SGMS2: variants seen among roughly 807,000 people sequenced by gnomAD.
SGMS2 encodes the protein sphingomyelin synthase 2.
SGMS2 carries 21 observed loss-of-function variants against 43.8 expected under a neutral mutation model. The observed-to-expected ratio is 0.48, with a 90% CI of 0.34 to 0.69. The LOEUF is 0.69. Among genes scored for constraint, SGMS2 ranks in the 30% least tolerant of loss-of-function variants. The probability of loss-of-function intolerance (pLI) is 0.01; values close to 1 mark genes in which losing one functional copy is unlikely to be tolerated. For missense variants in SGMS2, 384 were observed against 443.2 expected (o/e 0.87, Z 1.20); for synonymous variants, 167 against 160.6 (o/e 1.04, Z -0.30).
intron 1 of SGMS2, among the ~76,000 whole-genome samples, chr4:107,829,458 A>G (rs1725767790): frequency 6.6e-6 from 1 of 152,210 alleles, no homozygotes; most frequent in Non-Finnish European, 1.5e-5. Context: ...AGTTCACTTT[A>G]TTAATTTCTA....
At chr4:107,879,464 C>A (rs1729177667) in intron 2 of SGMS2, among the ~76,000 whole-genome samples, 2 of 121,058 alleles carry the variant, frequency 1.7e-5, no homozygotes, top group Admixed American at 8.3e-5. Flanking sequence ...TCTTGATGGG[C>A]TATTTTTTTT....
intron 5 of SGMS2, among the ~76,000 whole-genome samples, chr4:107,906,755 A>G (rs945893181): frequency 2.0e-5 from 3 of 152,248 alleles, no homozygotes; most frequent in Non-Finnish European, 4.4e-5. Context: ...AGCCGTTCCT[A>G]AAACCTCACT....
At position 107,874,188 on chromosome 4, in the gene SGMS2, C is replaced by A. The variant is rs531658880; in HGVS notation, c.-245+15635C>A. 4 of 152,158 alleles carry A rather than the reference C, an allele frequency of 2.6e-5. No individual in the cohort carries two copies. The South Asian group carries it at 8.3e-4, about 32-fold the overall frequency. 9.4% of individuals were successfully genotyped at this position (152,158 alleles called of 1,614,324 possible). ...GGATCACAGCATAATTAATGGTGTA[C>A]AAATAGACACTCCACAATCATTATT... On this transcript the variant is annotated intron_variant, in intron 2 of 6. Coordinates refer to ENST00000690982, the MANE Select transcript of SGMS2 (RefSeq NM_001375905.1).
rs1029963519 is a variant in SGMS2 at position 107,908,643 on chromosome 4, C to G, written c.806C>G (p.Ala269Gly). 1.2e-6 allele frequency: 2 copies of G among 1,613,742 alleles called. No homozygotes were observed. Among genetic ancestry groups the G allele is most frequent in the African/African-American group, 2.7e-5 (2 of 74,910 alleles). ...GCCGGGATCATCTGCATTCTTGTAG[C>G]ACACGAACACTACACTATCGATGTG... ...SAAGIICILV[A>G]HEHYTIDVII... The change falls in exon 6 of 7, where the codon GCA (alanine) becomes GGA (glycine). Residue 269 changes from alanine (A) to glycine (G), a missense_variant. Ala to Gly is a moderately conservative substitution (Grantham distance 60, BLOSUM62 0). Coordinates refer to ENST00000690982, the MANE Select transcript of SGMS2 (RefSeq NM_001375905.1).
chr4:107,905,799 TTCATC>T (rs780027279), intron 5 of SGMS2, among the ~76,000 whole-genome samples: 6 of 152,226 alleles, frequency 3.9e-5, no homozygotes, highest in Non-Finnish European at 8.8e-5. Context: ...TGTACATTCT[TTCATC>T]TCAGAGCAAC....
At chr4:107,881,717 T>C (rs1235097045) in intron 2 of SGMS2, among the ~76,000 whole-genome samples, 1 of 152,310 alleles carries the variant, frequency 6.6e-6, no homozygotes, top group Middle Eastern at 3.4e-3. Context: ...TATCTAACTA[T>C]ATTTTTTTAC....
At chr4:107,891,825 A>G (rs548913287) in intron 2 of SGMS2, among the ~76,000 whole-genome samples, 14 of 152,118 alleles carry the variant, frequency 9.2e-5, no homozygotes, top group Admixed American at 3.9e-4. Context: ...GGCCCACACC[A>G]TGTTGCCTGT....
At chr4:107,842,368 A>AAG in intron 1 of SGMS2, among the ~76,000 whole-genome samples, 1 of 152,282 alleles carries the variant, frequency 6.6e-6, no homozygotes, top group East Asian at 1.9e-4. Context: ...GAGCGGGAGC[A>AAG]AGAGAGAGAG....
At chr4:107,831,864 CCA>C (rs1725908734) in intron 1 of SGMS2, among the ~76,000 whole-genome samples, 1 of 152,174 alleles carries the variant, frequency 6.6e-6, no homozygotes. Flanking sequence ...GCTTTTCAAG[CCA>C]CAGTCACAAT....
intron 2 of SGMS2, among the ~76,000 whole-genome samples, chr4:107,860,259 T>C (rs1217805500): frequency 1.3e-5 from 2 of 152,168 alleles, no homozygotes; most frequent in African/African-American, 2.4e-5. Flanking sequence ...ACTAAGACAC[T>C]TTCCTCATTC....
At chr4:107,828,788 T>A (rs1725734143) in intron 1 of SGMS2, among the ~76,000 whole-genome samples, 1 of 152,252 alleles carries the variant, frequency 6.6e-6, no homozygotes, top group African/African-American at 2.4e-5. Flanking sequence ...GAGTCTTAAT[T>A]TCTGCGTTCC....
At chr4:107,849,635 GTGACTTTTTAAAGATCACAAT>G (rs33911119) in intron 1 of SGMS2, among the ~76,000 whole-genome samples, 9,050 of 152,064 alleles carry the variant, frequency 0.06, 823 homozygotes, top group African/African-American at 0.2. Context: ...CAGAATTAAA[GTGACTTTTTAAAGATCACAAT>G]TGACTTTTTA....
chr4:107,859,851 C>T (rs1315480215), intron 2 of SGMS2, among the ~76,000 whole-genome samples: 3 of 151,810 alleles, frequency 2.0e-5, no homozygotes, highest in African/African-American at 4.8e-5. Context: ...ATAAAGTAGT[C>T]GTATGTTCTA....
intron 2 of SGMS2, among the ~76,000 whole-genome samples, chr4:107,893,963 G>C (rs1730453177): frequency 6.6e-6 from 1 of 152,122 alleles, no homozygotes. Flanking sequence ...TTCAGGTCAG[G>C]TGTTTTTCAC....
At position 107,903,303 on chromosome 4, in the gene SGMS2, C is replaced by G. The variant is rs767510721; in HGVS notation, c.644C>G (p.Thr215Ser). The change falls in exon 5 of 7, where the codon ACT (threonine) becomes AGT (serine). Residue 215 changes from threonine (T) to serine (S), a missense_variant. Physicochemically the swap from Thr to Ser is moderately conservative, Grantham distance 58. Coordinates refer to ENST00000690982, the MANE Select transcript of SGMS2 (RefSeq NM_001375905.1). ...ATTTCTGGTGGTGGATTGTCCATAA[C>G]TGGATCACATATCTTATGTGGAGAC... ...RLISGGGLSI[T>S]GSHILCGDFL... is the part of the protein sequence containing the mutation. 1 of 1,613,992 alleles carries G rather than the reference C, an allele frequency of 6.2e-7. No homozygotes were observed. Among genetic ancestry groups the G allele is most frequent in the Non-Finnish European group, 8.5e-7 (1 of 1,179,900 alleles).
At chr4:107,876,536 C>T (rs1043897315) in intron 2 of SGMS2, among the ~76,000 whole-genome samples, 1 of 152,146 alleles carries the variant, frequency 6.6e-6, no homozygotes, top group Non-Finnish European at 1.5e-5. Context: ...TTTAAATACC[C>T]GTTTCAGTCG....
intron 2 of SGMS2, among the ~76,000 whole-genome samples, chr4:107,885,806 C>A (rs1233223864): frequency 6.6e-6 from 1 of 152,064 alleles, no homozygotes; most frequent in Non-Finnish European, 1.5e-5. Context: ...TCAGTAATAA[C>A]CAGTTAGAAA....
chr4:107,886,932 C>T (rs1729798830), intron 2 of SGMS2: 1 of 152,088 alleles, frequency 6.6e-6, no homozygotes, highest in Non-Finnish European at 1.5e-5. Flanking sequence ...CTTGAGAAAG[C>T]AGGTAGAGAG....
At position 107,832,246 on chromosome 4, in the gene SGMS2, C is replaced by T. The variant is rs181858205; in HGVS notation, c.-327+6993C>T. On this transcript the variant is annotated intron_variant, in intron 1 of 6. Coordinates refer to ENST00000690982, the MANE Select transcript of SGMS2 (RefSeq NM_001375905.1). ...GCATGAATGTCATTGAATATATTTA[C>T]GTATATATAAAATATATGCCATATG... is the stretch of plus-strand genomic sequence containing the variant. Among the ~76,000 whole-genome samples, 173 of 152,210 alleles carry T rather than the reference C, an allele frequency of 1.1e-3. 3 individuals carry two copies. The highest frequency in any genetic ancestry group is 2.1e-3 in the East Asian group (11 of 5,180).
Sources: allele counts gnomAD v4.1 joint callset (sites outside exome capture counted in the v4.1 genomes callset), GRCh38; gene constraint gnomAD v4.1.1; transcripts MANE v1.5; gene names NCBI Gene and HGNC (gene_info 2026-07-23, HGNC 2026-07-21).